PBRM1: variants seen among roughly 807,000 people sequenced by gnomAD.
PBRM1 encodes protein polybromo-1.
PBRM1 carries 27 observed loss-of-function variants against 194.5 expected under a neutral mutation model. The ratio of observed to expected loss-of-function variants is 0.14; its 90% CI spans 0.10 to 0.19. The LOEUF is 0.19. PBRM1 is among the 10% of genes least tolerant of loss of function. The pLI is 1.00. For missense variants in PBRM1, 1,466 were observed against 2,077.2 expected, an observed-to-expected ratio of 0.71 and a Z score of 5.72; for synonymous variants, 655 against 693.2, an observed-to-expected ratio of 0.94 and a Z score of 0.87.
chr3:52,664,467 G>A, intron 3 of PBRM1, among the ~76,000 whole-genome samples: 1 of 151,188 alleles, frequency 6.6e-6, no homozygotes, highest in East Asian at 1.9e-4. Context: ...TGGGCGCGGT[G>A]GCTCACGCCT....
At position 52,627,352 on chromosome 3, in the gene PBRM1, C is replaced by A. The variant is rs34704994; in HGVS notation, c.1462G>T (p.Ala488Ser). The A allele has an allele frequency of 6.6e-5, 107 of 1,612,826 alleles. No individual in the cohort carries two copies. The African/African-American group carries it at 1.3e-3, about 19-fold the overall frequency. ...CCGTCCTCGATATCGTCTCTCCTGG[C>A]AAGCTCTTTCTTCTTTGCCTAAAAC... Residue 488 changes from alanine to serine, a missense_variant, in exon 13 of 30, where the codon GCC becomes TCC. Physicochemically the swap from Ala to Ser is moderately conservative, Grantham distance 99. Coordinates refer to ENST00000296302, the Ensembl canonical transcript of PBRM1.
In PBRM1 at chr3:52,644,541, C is replaced by T. The variant is rs74858543; in HGVS notation, c.899+163G>A. Among the ~76,000 whole-genome samples the T allele has an allele frequency of 8.0e-4, 122 of 152,104 alleles. 2 individuals carry two copies. Among genetic ancestry groups the T allele is most frequent in the African/African-American group, 2.3e-3 (95 of 41,488 alleles). ...CTGTGACTACAGGCATATGCCACCACGCCCGGCTAATTTTTGTATTTTTAG... is the reference window on the plus strand; with the variant it reads ...CTGTGACTACAGGCATATGCCACCATGCCCGGCTAATTTTTGTATTTTTAG... On this transcript the variant is annotated intron_variant, in intron 8 of 29. Coordinates refer to ENST00000296302, the Ensembl canonical transcript of PBRM1.
At chr3:52,641,379 G>A (rs546258562) in intron 10 of PBRM1, among the ~76,000 whole-genome samples, 65 of 148,250 alleles carry the variant, frequency 4.4e-4, no homozygotes, top group African/African-American at 1.4e-3. Flanking sequence ...CCCGGCAGGC[G>A]GACGTTGCAG....
chr3:52,637,115 C>T (rs565981018), intron 10 of PBRM1, among the ~76,000 whole-genome samples: 1 of 152,206 alleles, frequency 6.6e-6, no homozygotes, highest in African/African-American at 2.4e-5. Flanking sequence ...GATCTCTCCC[C>T]TAAAGAGCCT....
intron 26 of PBRM1, among the ~76,000 whole-genome samples, chr3:52,557,327 A>AAGCAAAAACGAAAC (rs1278505886): frequency 1.3e-5 from 2 of 152,230 alleles, no homozygotes; most frequent in African/African-American, 2.4e-5. Flanking sequence ...CTTCCTTAAA[A>AAGCAAAAACGAAAC]AGCAAAAACG....
At chr3:52,653,068 C>T (rs2096539601) in intron 5 of PBRM1, among the ~76,000 whole-genome samples, 1 of 152,118 alleles carries the variant, frequency 6.6e-6, no homozygotes, top group South Asian at 2.1e-4. Context: ...GATATCTATG[C>T]CTAGAAATAA....
At chr3:52,606,086 A>G (rs1339391412) in intron 16 of PBRM1, among the ~76,000 whole-genome samples, 1 of 151,934 alleles carries the variant, frequency 6.6e-6, no homozygotes, top group Non-Finnish European at 1.5e-5. Context: ...TACAGTCTCA[A>G]TCTCCTGGCT....
chr3:52,576,817 G>A, intron 21 of PBRM1, 119 bp from the exon 24 acceptor site: 1 of 595,028 alleles, frequency 1.7e-6, no homozygotes. Context: ...AGTTTCACTG[G>A]CTGTTTTGGT....
At chr3:52,634,602 C>T (rs1389898698) in exon 11 of PBRM1, 9 of 1,569,322 alleles carry the variant, frequency 5.7e-6, no homozygotes, top group African/African-American at 1.4e-5. Flanking sequence ...GACATCTTAC[C>T]GGATCTGTTG....
intron 15 of PBRM1, among the ~76,000 whole-genome samples, chr3:52,613,884 A>C (rs1485491466): frequency 6.6e-6 from 1 of 152,122 alleles, no homozygotes; most frequent in Non-Finnish European, 1.5e-5. Flanking sequence ...ATCCCACATA[A>C]AAAGCCCCTT....
At chr3:52,575,510 T>C (rs1575889621) in intron 22 of PBRM1, among the ~76,000 whole-genome samples, 1 of 98,588 alleles carries the variant, frequency 1.0e-5, no homozygotes, top group Non-Finnish European at 2.4e-5. Flanking sequence ...TCAATTGTCT[T>C]TTTTTTTTTT....
chr3:52,590,536 A>C (rs2092928795), intron 17 of PBRM1, among the ~76,000 whole-genome samples: 1 of 152,194 alleles, frequency 6.6e-6, no homozygotes, highest in African/African-American at 2.4e-5. Flanking sequence ...AGCTTTGCCC[A>C]AATCTTTGAT....
At chr3:52,664,850 A>C (rs1278833103) in intron 3 of PBRM1, among the ~76,000 whole-genome samples, 1 of 152,186 alleles carries the variant, frequency 6.6e-6, no homozygotes, top group African/African-American at 2.4e-5. Context: ...TTACTACAAG[A>C]ACAGGGCAAA....
At chr3:52,644,267 C>G (rs564861488) in intron 8 of PBRM1, among the ~76,000 whole-genome samples, 203 of 152,184 alleles carry the variant, frequency 1.3e-3, no homozygotes, top group Middle Eastern at 6.8e-3. Context: ...TTACTACTAT[C>G]TTCAGAATTA....
At chr3:52,666,779 C>G (rs1049229687) in intron 3 of PBRM1, among the ~76,000 whole-genome samples, 1 of 150,572 alleles carries the variant, frequency 6.6e-6, no homozygotes, top group Non-Finnish European at 1.5e-5. Flanking sequence ...GTAGTCCCAG[C>G]TAATCAGGAG....
chr3:52,588,552 CTTTTTTT>C (rs36058575), intron 18 of PBRM1, among the ~76,000 whole-genome samples: 1 of 110,150 alleles, frequency 9.1e-6, no homozygotes, highest in Non-Finnish European at 1.8e-5. Flanking sequence ...GTATTTCTTT[CTTTTTTT>C]TTTTTTTTTT....
intron 15 of PBRM1, among the ~76,000 whole-genome samples, chr3:52,610,172 G>A (rs979380790): frequency 1.3e-5 from 2 of 152,154 alleles, no homozygotes; most frequent in East Asian, 1.9e-4. Context: ...CTGTAAGGTT[G>A]AGAAAGCTGT....
intron 22 of PBRM1, among the ~76,000 whole-genome samples, chr3:52,568,186 C>T (rs1249091326): frequency 6.6e-6 from 1 of 152,172 alleles, no homozygotes; most frequent in Non-Finnish European, 1.5e-5. Context: ...ACCATGTCGG[C>T]CAGGCTAGTC....
At chr3:52,669,653 G>A (rs1221017994) in intron 2 of PBRM1, among the ~76,000 whole-genome samples, 1 of 152,088 alleles carries the variant, frequency 6.6e-6, no homozygotes, top group Non-Finnish European at 1.5e-5. Context: ...TTAGCTGACA[G>A]GTTATAGCCA....
Sources: allele counts gnomAD v4.1 joint callset (sites outside exome capture counted in the v4.1 genomes callset), GRCh38; gene constraint gnomAD v4.1.1; transcripts MANE v1.5; gene names NCBI Gene and HGNC (gene_info 2026-07-23, HGNC 2026-07-21).